Variants in HDAC9 observed in about 807,000 individuals in gnomAD.
The protein encoded by HDAC9 is MEF-2 interacting transcription repressor (MITR) protein.
Under a neutral mutation model 139.4 loss-of-function variants are expected in HDAC9, and 41 were observed. The ratio of observed to expected loss-of-function variants is 0.29; its 90% confidence interval spans 0.23 to 0.38. HDAC9 has a LOEUF of 0.38. HDAC9 is among the 10% of genes least tolerant of loss of function. The pLI is 1.00. For synonymous variants in HDAC9, 517 were observed against 476.2 expected (o/e 1.09, Z -1.12); for missense variants, 1,147 against 1,297.0 (o/e 0.88, Z 1.78).
chr7:18,206,259 A>G (rs751412589), intron 2 of HDAC9, among the ~76,000 whole-genome samples: 15 of 152,202 alleles, frequency 9.9e-5, no homozygotes, highest in Non-Finnish European at 2.1e-4. Context: ...GGCATTAAGG[A>G]GTTTTGGAAA....
chr7:18,991,584 C>T (rs549249601), intron 25 of HDAC9, among the ~76,000 whole-genome samples: 13 of 150,474 alleles, frequency 8.6e-5, no homozygotes, highest in East Asian at 5.9e-4. Flanking sequence ...TTGCAGTGAG[C>T]GGAGATGGTG....
intron 1 of HDAC9, among the ~76,000 whole-genome samples, chr7:18,467,556 C>T (rs377345496): frequency 6.6e-5 from 10 of 152,112 alleles, no homozygotes; most frequent in South Asian, 2.1e-4. Flanking sequence ...TTTATATTAC[C>T]GTAACTATAA....
At position 18,629,462 on chromosome 7, in the gene HDAC9, G is replaced by A. The variant is rs762465382; in HGVS notation, c.777G>A (p.Lys259=). Residue 259 remains lysine, a synonymous_variant, in exon 7 of 26, where the codon AAG becomes AAA. Transcript: ENST00000686413. ...GAAATGTTGTCACTTCATTCAAGAAGCGAATGTTTGAGGTGACAGGTAATT... is the reference window on the plus strand; with the variant it reads ...GAAATGTTGTCACTTCATTCAAGAAACGAATGTTTGAGGTGACAGGTAATT... ...KDGNVVTSFK[K]RMFEVTESSV... 5.0e-6 allele frequency: 8 copies of A among 1,612,066 alleles called. No individual in the cohort carries two copies. In the South Asian group the frequency reaches 5.5e-5, roughly 11 times the overall value.
intron 2 of HDAC9, among the ~76,000 whole-genome samples, chr7:18,547,986 C>G (rs1815733836): frequency 6.6e-6 from 1 of 151,494 alleles, no homozygotes; most frequent in South Asian, 2.1e-4. Flanking sequence ...CTCCACCTGT[C>G]TTGGCTGTCA....
At chr7:18,881,423 G>T (rs572892929) in intron 22 of HDAC9, among the ~76,000 whole-genome samples, 1 of 152,008 alleles carries the variant, frequency 6.6e-6, no homozygotes, top group South Asian at 2.1e-4. Context: ...GGTCATATAT[G>T]GGTATGTAGC....
chr7:18,421,408 AGAAG>A (rs1303855105), intron 1 of HDAC9, among the ~76,000 whole-genome samples: 3 of 151,352 alleles, frequency 2.0e-5, no homozygotes, highest in African/African-American at 4.9e-5. Context: ...AGGGAAGAAA[AGAAG>A]GAAGGAAAGG....
At chr7:18,679,773 A>G (rs1355501186) in intron 12 of HDAC9, among the ~76,000 whole-genome samples, 22 of 151,882 alleles carry the variant, frequency 1.4e-4, no homozygotes, top group Admixed American at 1.2e-3. Flanking sequence ...TAACATCTAA[A>G]TACTAGGTAA....
intron 1 of HDAC9, among the ~76,000 whole-genome samples, chr7:18,426,593 T>G (rs1270440393): frequency 6.6e-6 from 1 of 152,114 alleles, no homozygotes; most frequent in Non-Finnish European, 1.5e-5. Flanking sequence ...CTTCAAAGAG[T>G]AGAAAATGAC....
chr7:18,165,758 C>T (rs958552503), intron 2 of HDAC9, among the ~76,000 whole-genome samples: 13 of 149,356 alleles, frequency 8.7e-5, no homozygotes, highest in Admixed American at 8.0e-4. Flanking sequence ...GAAGCCACTG[C>T]ACTGCATTCT....
chr7:18,732,792 T>TA (rs1491297284), intron 13 of HDAC9, among the ~76,000 whole-genome samples: 2 of 97,186 alleles, frequency 2.1e-5, no homozygotes, highest in Non-Finnish European at 3.9e-5. Context: ...CACACGTGTG[T>TA]TTGTGTGCGT....
At chr7:18,717,703 C>A (rs1165850453) in intron 12 of HDAC9, among the ~76,000 whole-genome samples, 7 of 151,706 alleles carry the variant, frequency 4.6e-5, no homozygotes, top group African/African-American at 1.7e-4. Context: ...AGTGCTGGGG[C>A]AATTTCTTAA....
intron 13 of HDAC9, among the ~76,000 whole-genome samples, chr7:18,731,729 G>A (rs911537018): frequency 3.3e-5 from 5 of 152,122 alleles, no homozygotes; most frequent in African/African-American, 1.2e-4. Context: ...GGGTTCAAGT[G>A]ATTCTCCTGC....
chr7:18,886,411 T>A (rs959562156), intron 22 of HDAC9, among the ~76,000 whole-genome samples: 9 of 152,222 alleles, frequency 5.9e-5, no homozygotes, highest in African/African-American at 2.2e-4. Context: ...CAGAGGAAGA[T>A]GCCAACTGCA....
rs1370291328 is a variant in HDAC9, at chr7:18,997,013, AT to A, written c.*954del. On this transcript the variant is annotated 3_prime_UTR_variant, in exon 26 of 26. Transcript: ENST00000686413. ...TTCCTTTTCTGCCCTCTATCAATTGATTTCTTCTTACCTTTCATCATTCATT... is the reference window on the plus strand; with the variant it reads ...TTCCTTTTCTGCCCTCTATCAATTGATTCTTCTTACCTTTCATCATTCATT... 1 of 152,110 alleles carries A rather than the reference AT, an allele frequency of 6.6e-6. No individual in the cohort carries two copies. The highest frequency in any genetic ancestry group is 6.6e-5 in the Admixed American group (1 of 15,266). The allele number at this position is 152,110 out of a possible 1,614,324, so 9.4% of individuals were successfully genotyped here.
chr7:18,714,495 A>T (rs891268065), intron 12 of HDAC9, among the ~76,000 whole-genome samples: 13 of 152,136 alleles, frequency 8.5e-5, no homozygotes, highest in Non-Finnish European at 1.9e-4. Context: ...CAGCAGTCTT[A>T]TGGAGTCTTA....
chr7:18,494,368 G>C (rs770048509), upstream of HDAC9, among the ~76,000 whole-genome samples: 5 of 151,922 alleles, frequency 3.3e-5, no homozygotes, highest in Non-Finnish European at 7.4e-5. Flanking sequence ...TCATACTCTG[G>C]AGTTGACCAA....
chr7:18,600,651 C>T (rs189592198), intron 6 of HDAC9, among the ~76,000 whole-genome samples: 7 of 152,228 alleles, frequency 4.6e-5, no homozygotes, highest in African/African-American at 1.4e-4. Context: ...GTTCTTTTGC[C>T]GATACCACAC....
At chr7:18,651,050 A>G (rs1789092910) in intron 11 of HDAC9, among the ~76,000 whole-genome samples, 1 of 152,186 alleles carries the variant, frequency 6.6e-6, no homozygotes, top group African/African-American at 2.4e-5. Context: ...TGAAATATTC[A>G]CAATAGAACG....
At chr7:18,807,943 G>C (rs1467863788) in intron 17 of HDAC9, 1 of 152,112 alleles carries the variant, frequency 6.6e-6, no homozygotes, top group East Asian at 1.9e-4. Context: ...ATGTCCATTT[G>C]ATCTGTAGTG....
Sources: allele counts gnomAD v4.1 joint callset (sites outside exome capture counted in the v4.1 genomes callset), GRCh38; gene constraint gnomAD v4.1.1; transcripts MANE v1.5; gene names NCBI Gene and HGNC (gene_info 2026-07-23, HGNC 2026-07-21).